The following MAGI2 variants were observed in gnomAD, a reference collection of about 807,000 sequenced individuals.
MAGI2 encodes the protein membrane-associated guanylate kinase, WW and PDZ domain-containing protein 2.
In MAGI2, 35 loss-of-function variants were observed where a neutral mutation model predicts 133.3. The observed-to-expected ratio is 0.26, with a 90% CI of 0.20 to 0.35. The LOEUF (loss-of-function observed/expected upper bound fraction) is 0.35. Among genes scored for constraint, MAGI2 ranks in the 10% least tolerant of loss-of-function variants. MAGI2 has a pLI of 1.00. For missense variants in MAGI2, 1,636 were observed against 1,863.4 expected (o/e 0.88, Z 2.25); for synonymous variants, 729 against 710.6 (o/e 1.03, Z -0.41).
intron 1 of MAGI2, among the ~76,000 whole-genome samples, chr7:79,408,846 A>C (rs1312143357): frequency 6.6e-6 from 1 of 152,174 alleles, no homozygotes; most frequent in Non-Finnish European, 1.5e-5. Context: ...GTAAAGATAC[A>C]TCAGTGAATT....
intron 1 of MAGI2, among the ~76,000 whole-genome samples, chr7:79,404,580 A>C (rs957069701): frequency 6.6e-6 from 1 of 152,056 alleles, no homozygotes; most frequent in Non-Finnish European, 1.5e-5. Context: ...CATCACACAA[A>C]TTTGTATATT....
intron 3 of MAGI2, among the ~76,000 whole-genome samples, chr7:78,531,475 G>A (rs1469911055): frequency 6.6e-6 from 1 of 152,130 alleles, no homozygotes; most frequent in East Asian, 1.9e-4. Flanking sequence ...GACTCCCAAA[G>A]TACTGGGATT....
At chr7:78,237,249 A>T (rs1790648553) in intron 10 of MAGI2, among the ~76,000 whole-genome samples, 1 of 152,296 alleles carries the variant, frequency 6.6e-6, no homozygotes, top group East Asian at 1.9e-4. Flanking sequence ...CTTAAGTGAT[A>T]TGTGTTTGCA....
At chr7:78,527,709 C>A (rs907276694) in intron 3 of MAGI2, among the ~76,000 whole-genome samples, 5 of 152,034 alleles carry the variant, frequency 3.3e-5, no homozygotes, top group Admixed American at 6.6e-5. Context: ...CTTCCAACAC[C>A]TTTTTTCTTT....
At chr7:78,915,012 G>C (rs899447460) in intron 2 of MAGI2, among the ~76,000 whole-genome samples, 2 of 152,100 alleles carry the variant, frequency 1.3e-5, no homozygotes, top group Non-Finnish European at 2.9e-5. Context: ...AATGAATTTT[G>C]CTATTTTCAA....
rs1046718958 is a variant in MAGI2 at position 78,536,974 on chromosome 7, C to G, written c.539-15329G>C. Among the ~76,000 whole-genome samples the G allele has an allele frequency of 9.9e-5, 15 of 152,058 alleles. No homozygotes were observed. The East Asian group carries it at 2.7e-3, about 27-fold the overall frequency. ...TCCCTTGCTCCTCTTCCATGCTTCC[C>G]CCTGAGTCCTCAGTCCGTTGTATCA... On this transcript the variant is annotated intron_variant, in intron 3 of 21. Transcript: ENST00000354212.
At chr7:78,200,672 C>T (rs568386009) in intron 11 of MAGI2, among the ~76,000 whole-genome samples, 2 of 151,906 alleles carry the variant, frequency 1.3e-5, no homozygotes, top group East Asian at 3.9e-4. Context: ...CACATATATA[C>T]AAAGCTAACA....
chr7:78,127,471 G>A, intron 18 of MAGI2, 55 bp from the exon 19 acceptor site: 1 of 1,404,896 alleles, frequency 7.1e-7, no homozygotes, highest in Non-Finnish European at 9.9e-7. Context: ...AAAGAGGCTA[G>A]AGTGATCACA....
chr7:79,443,888 C>T (rs1371440386), intron 1 of MAGI2, among the ~76,000 whole-genome samples: 1 of 152,136 alleles, frequency 6.6e-6, no homozygotes, highest in Non-Finnish European at 1.5e-5. Context: ...CTTCATTTCA[C>T]AGAGTCACTT....
At chr7:78,564,368 A>G (rs1800720705) in intron 3 of MAGI2, among the ~76,000 whole-genome samples, 1 of 152,232 alleles carries the variant, frequency 6.6e-6, no homozygotes, top group Non-Finnish European at 1.5e-5. Flanking sequence ...TCTGCTTTAG[A>G]TTAATTTCAT....
intron 21 of MAGI2, among the ~76,000 whole-genome samples, chr7:78,021,068 G>A (rs139375430): frequency 9.5e-4 from 145 of 152,134 alleles, no homozygotes; most frequent in Middle Eastern, 3.4e-3. Flanking sequence ...TAAAGCAACA[G>A]CTGGTCAGAG....
At chr7:78,080,254 A>G (rs1815805535) in intron 20 of MAGI2, among the ~76,000 whole-genome samples, 1 of 152,232 alleles carries the variant, frequency 6.6e-6, no homozygotes, top group South Asian at 2.1e-4. Context: ...TAAGGGTTCC[A>G]CTGTAATGAA....
Position 78,419,367 on chromosome 7 carries a change from G to A in MAGI2, c.1046-50154C>T, listed in dbSNP as rs567761313. On this transcript the variant is annotated intron_variant, in intron 6 of 21. Coordinates refer to ENST00000354212, the MANE Select transcript of MAGI2 (RefSeq NM_012301.4). ...TGTGTAGCCCTTCAGAGAATTTACC[G>A]GCCTATGTTAATTAGTTAATATGCA... Among the ~76,000 whole-genome samples, 10 of 149,406 alleles carry A rather than the reference G, an allele frequency of 6.7e-5. No individual in the cohort carries two copies. The East Asian group carries it at 8.1e-4, about 12-fold the overall frequency.
chr7:78,947,422 AAAG>A (rs921842354), intron 2 of MAGI2, among the ~76,000 whole-genome samples: 1 of 152,132 alleles, frequency 6.6e-6, no homozygotes, highest in Non-Finnish European at 1.5e-5. Context: ...AAACAAAGGA[AAAG>A]AAGAACTGTG....
At chr7:78,922,927 A>G (rs1799377062) in intron 2 of MAGI2, among the ~76,000 whole-genome samples, 1 of 151,570 alleles carries the variant, frequency 6.6e-6, no homozygotes, top group Non-Finnish European at 1.5e-5. Context: ...TTTGATTTGC[A>G]TTTCTCTGAT....
At chr7:79,449,841 G>T (rs1286489473) in intron 1 of MAGI2, among the ~76,000 whole-genome samples, 1 of 136,636 alleles carries the variant, frequency 7.3e-6, no homozygotes, top group Non-Finnish European at 1.6e-5. Context: ...TGTTTTGCAG[G>T]TATTTAAACA....
rs757467609 is a variant in MAGI2 at position 78,255,813 on chromosome 7, C to T, written c.2047+130G>A. On this transcript the variant is annotated intron_variant, in intron 10 of 21. Coordinates refer to ENST00000354212, the MANE Select transcript of MAGI2 (RefSeq NM_012301.4). ...TCCTTTAATTCATGTTTTTCTCTCT[C>T]ACTCTTTAAGCTTTATTTTTTAAAG... 11 of 946,206 alleles carry T rather than the reference C, an allele frequency of 1.2e-5. 1 individual carries two copies. In the South Asian group the frequency reaches 1.7e-4, roughly 14 times the overall value. 58.6% of individuals were successfully genotyped at this position (946,206 alleles called of 1,614,324 possible). A position where few individuals can be genotyped will look rare whatever the true frequency, so the allele number is the denominator to read the frequency against.
intron 3 of MAGI2, among the ~76,000 whole-genome samples, chr7:78,552,176 C>CTTTTTTTTTTTT (rs869196799): frequency 2.2e-5 from 2 of 90,342 alleles, no homozygotes; most frequent in Non-Finnish European, 4.2e-5. Flanking sequence ...ATTTGTTTTC[C>CTTTTTTTTTTTT]TTTTTTTTTT....
At chr7:78,725,929 C>A (rs189099724) in intron 2 of MAGI2, among the ~76,000 whole-genome samples, 14 of 152,268 alleles carry the variant, frequency 9.2e-5, no homozygotes, top group Admixed American at 9.2e-4. Flanking sequence ...ACTCCAAACC[C>A]CCTTTACCTA....
Sources: allele counts gnomAD v4.1 joint callset (sites outside exome capture counted in the v4.1 genomes callset), GRCh38; gene constraint gnomAD v4.1.1; transcripts MANE v1.5; gene names NCBI Gene and HGNC (gene_info 2026-07-23, HGNC 2026-07-21).